CTTNBP2NL: variants seen among roughly 807,000 people sequenced by gnomAD.
The protein encoded by CTTNBP2NL is CTTNBP2 N-terminal-like protein.
In CTTNBP2NL, 16 loss-of-function variants were observed where a neutral mutation model predicts 32.5. The ratio of observed to expected loss-of-function variants is 0.49; its 90% CI spans 0.33 to 0.75. The LOEUF (loss-of-function observed/expected upper bound fraction) is 0.75. CTTNBP2NL is among the 30% of genes least tolerant of loss of function. CTTNBP2NL has a pLI of 0.02. For missense variants in CTTNBP2NL, 645 were observed against 756.0 expected (o/e 0.85, Z 1.72); for synonymous variants, 298 against 289.4 (o/e 1.03, Z -0.30).
In CTTNBP2NL at chr1:112,427,053, A is replaced by G. The variant is rs1649426786; in HGVS notation, c.99+10789A>G. Among the ~76,000 whole-genome samples the G allele has an allele frequency of 2.0e-5, 3 of 152,284 alleles. No individual in the cohort carries two copies. The South Asian group carries it at 6.2e-4, about 32-fold the overall frequency. On this transcript the variant is annotated intron_variant, in intron 3 of 5. Coordinates refer to ENST00000271277, the MANE Select transcript of CTTNBP2NL (RefSeq NM_018704.3). ...TTTAATATTTTATTGGCTTCTTATG[A>G]TCATTTTTCCAAAGACAAAAATACA...
chr1:112,402,488 G>A (rs879561080), intron 1 of CTTNBP2NL, among the ~76,000 whole-genome samples: 1 of 152,120 alleles, frequency 6.6e-6, no homozygotes. Flanking sequence ...GTTTTAACAC[G>A]AGATAAGAAT....
chr1:112,415,798 GCCCACCTTAGCCT>G (rs768757405), intron 2 of CTTNBP2NL: 32 of 231,800 alleles, frequency 1.4e-4, no homozygotes, highest in Non-Finnish European at 2.6e-4. Flanking sequence ...TTCGTGGTCC[GCCCACCTTAGCCT>G]CCCAAAGTGC....
At position 112,460,303 on chromosome 1, in the gene CTTNBP2NL, GA is replaced by G. The variant is rs148799355; in HGVS notation, c.*2892del. 10 of 152,336 alleles carry G rather than the reference GA, an allele frequency of 6.6e-5. No homozygotes were observed. The highest frequency in any genetic ancestry group is 2.4e-4 in the African/African-American group (10 of 41,578). 9.4% of individuals were successfully genotyped at this position (152,336 alleles called of 1,614,324 possible). A position where few individuals can be genotyped will look rare whatever the true frequency, so the allele number is the denominator to read the frequency against. ...CAATTTGGGCATATTTTGTTGGGAA[GA>G]GGGGGTGGTGTAGAGGGAGCACTTG... is the stretch of plus-strand genomic sequence containing the variant. On this transcript the variant is annotated 3_prime_UTR_variant, in exon 6 of 6. Transcript: ENST00000271277.
At chr1:112,417,288 T>C (rs771113554) in intron 3 of CTTNBP2NL, among the ~76,000 whole-genome samples, 3 of 152,230 alleles carry the variant, frequency 2.0e-5, no homozygotes, top group Non-Finnish European at 2.9e-5. Flanking sequence ...TAAATGTTTG[T>C]TGAACAAATG....
chr1:112,449,425 CT>C (rs1230435224), intron 4 of CTTNBP2NL, among the ~76,000 whole-genome samples: 7 of 142,776 alleles, frequency 4.9e-5, no homozygotes, highest in Non-Finnish European at 9.2e-5. Context: ...CTCCAAAACA[CT>C]TTGTATGTTT....
intron 3 of CTTNBP2NL, 21 bp from the exon 4 acceptor site, chr1:112,448,921 A>AT (rs747519992): frequency 3.3e-5 from 47 of 1,433,344 alleles, no homozygotes; most frequent in Middle Eastern, 2.0e-4. Flanking sequence ...CAAGATGCTT[A>AT]TTTTTTTTCC....
chr1:112,409,438 T>G (rs1215975870), intron 1 of CTTNBP2NL, among the ~76,000 whole-genome samples: 1 of 152,144 alleles, frequency 6.6e-6, no homozygotes, highest in Non-Finnish European at 1.5e-5. Flanking sequence ...CTATATAGAT[T>G]TTTTTGAGGC....
intron 3 of CTTNBP2NL, among the ~76,000 whole-genome samples, chr1:112,419,095 T>C (rs1649149117): frequency 1.3e-5 from 2 of 152,178 alleles, no homozygotes; most frequent in South Asian, 4.1e-4. Context: ...TGAATTCGTT[T>C]CCATTGATGC....
chr1:112,409,648 T>A (rs1398495912), intron 1 of CTTNBP2NL, among the ~76,000 whole-genome samples: 1 of 152,180 alleles, frequency 6.6e-6, no homozygotes, highest in Non-Finnish European at 1.5e-5. Context: ...CTTACATGGC[T>A]ATAGAAGCTG....
At chr1:112,444,666 C>A (rs1430028457) in intron 3 of CTTNBP2NL, among the ~76,000 whole-genome samples, 1 of 152,106 alleles carries the variant, frequency 6.6e-6, no homozygotes, top group Non-Finnish European at 1.5e-5. Flanking sequence ...ATTGAATTTA[C>A]TTTATTTTTA....
intron 5 of CTTNBP2NL, 52 bp from the exon 6 acceptor site, chr1:112,455,879 G>A: frequency 7.4e-7 from 1 of 1,342,878 alleles, no homozygotes; most frequent in East Asian, 2.3e-5. Context: ...AACGAAGACA[G>A]TCTACTTGAT....
At chr1:112,416,396 AGGTAGC>A in intron 3 of CTTNBP2NL, 132 bp downstream of exon 3, 4 of 577,172 alleles carry the variant, frequency 6.9e-6, no homozygotes, top group Middle Eastern at 4.6e-4. Flanking sequence ...TACTTGCCAT[AGGTAGC>A]CACCTACATT....
chr1:112,427,453 C>T (rs1649435316), intron 3 of CTTNBP2NL, among the ~76,000 whole-genome samples: 1 of 152,312 alleles, frequency 6.6e-6, no homozygotes, highest in South Asian at 2.1e-4. Context: ...TTACTAATCT[C>T]AGGACACCTA....
At chr1:112,455,255 C>T (rs1650329471) in intron 5 of CTTNBP2NL, among the ~76,000 whole-genome samples, 1 of 152,010 alleles carries the variant, frequency 6.6e-6, no homozygotes, top group African/African-American at 2.4e-5. Context: ...CCTGTAATCC[C>T]AGCACTTTTG....
intron 3 of CTTNBP2NL, among the ~76,000 whole-genome samples, chr1:112,438,982 T>G (rs2483345): frequency 6.6e-6 from 1 of 152,014 alleles, no homozygotes; most frequent in Non-Finnish European, 1.5e-5. Flanking sequence ...TCTATCTATT[T>G]GACTGCTGGT....
In CTTNBP2NL at chr1:112,456,256, G is replaced by A. The variant is rs1206586772; in HGVS notation, c.764G>A (p.Arg255Gln). 30 of 1,614,116 alleles carry A rather than the reference G, an allele frequency of 1.9e-5. No homozygotes were observed. Among genetic ancestry groups the A allele is most frequent in the Non-Finnish European group, 2.5e-5 (29 of 1,180,038 alleles). The change falls in exon 6 of 6, where the codon CGA becomes CAA. Residue 255 changes from arginine to glutamine, a missense_variant. Arg to Gln is a conservative substitution (Grantham distance 43, BLOSUM62 1). Transcript: ENST00000271277. ...GAACAACTGAGAGCAAAACTGAACC[G>A]AGAAGAGAACCGGACCAAAACCCTG... ...EREQLRAKLN[R>Q]EENRTKTLKE...
chr1:112,406,914 A>T (rs1215405050), intron 1 of CTTNBP2NL, among the ~76,000 whole-genome samples: 1 of 152,228 alleles, frequency 6.6e-6, no homozygotes, highest in African/African-American at 2.4e-5. Flanking sequence ...TGATCTCTTG[A>T]GGCCTGCTTC....
rs1649004761 is a variant in CTTNBP2NL, at chr1:112,414,631, T to C, written c.-9-1526T>C. 4.6e-5 allele frequency: 7 copies of C among 152,086 alleles called. No individual in the cohort carries two copies. In the South Asian group the frequency reaches 1.5e-3, roughly 32 times the overall value. 9.4% of individuals were successfully genotyped at this position (152,086 alleles called of 1,614,324 possible). ...TTCCATAAGAGTGGCAATTTGAAAA[T>C]AAAAAGTGGAGAGAGAAATATTTGT... On this transcript the variant is annotated intron_variant, in intron 2 of 5. Coordinates refer to ENST00000271277, the MANE Select transcript of CTTNBP2NL (RefSeq NM_018704.3).
intron 3 of CTTNBP2NL, among the ~76,000 whole-genome samples, chr1:112,445,929 C>T (rs1650024296): frequency 6.6e-6 from 1 of 152,108 alleles, no homozygotes; most frequent in African/African-American, 2.4e-5. Context: ...AGCTCCTACT[C>T]CTCCATCCCA....
Sources: allele counts gnomAD v4.1 joint callset (sites outside exome capture counted in the v4.1 genomes callset), GRCh38; gene constraint gnomAD v4.1.1; transcripts MANE v1.5; gene names NCBI Gene and HGNC (gene_info 2026-07-23, HGNC 2026-07-21).